CDKAL1: variants seen among roughly 807,000 people sequenced by gnomAD.
The protein encoded by CDKAL1 is CDKAL1 threonylcarbamoyladenosine tRNA methylthiotransferase, also known as threonylcarbamoyladenosine tRNA methylthiotransferase.
In CDKAL1, 32 loss-of-function variants were observed where a neutral mutation model predicts 68.2. The ratio of observed to expected loss-of-function variants is 0.47; its 90% CI spans 0.35 to 0.63. The LOEUF (loss-of-function observed/expected upper bound fraction) is 0.63. Among genes scored for constraint, CDKAL1 ranks in the 30% least tolerant of loss-of-function variants. CDKAL1 has a pLI of 0.00. For synonymous variants in CDKAL1, 234 were observed against 244.3 expected, an observed-to-expected ratio of 0.96 and a Z score of 0.39; for missense variants, 606 against 696.7, an observed-to-expected ratio of 0.87 and a Z score of 1.47.
chr6:20,984,076 G>A lies in CDKAL1; in HGVS notation c.910-16151G>A, dbSNP rs537989805. Among the ~76,000 whole-genome samples the A allele has an allele frequency of 5.3e-5, 8 of 152,216 alleles. No homozygotes were observed. In the South Asian group the frequency reaches 1.7e-3, roughly 32 times the overall value. ...AGATCGCGTGAAGTAAAACTACTAC[G>A]TTTTTTTCTGAAGTCTAAATGAGAC... On this transcript the variant is annotated intron_variant, in intron 10 of 15. Coordinates refer to ENST00000274695, the MANE Select transcript of CDKAL1 (RefSeq NM_017774.3).
At chr6:21,110,721 G>A (rs761173203) in intron 13 of CDKAL1, among the ~76,000 whole-genome samples, 1 of 152,200 alleles carries the variant, frequency 6.6e-6, no homozygotes, top group Non-Finnish European at 1.5e-5. Flanking sequence ...CACTCTGGGA[G>A]TCTGAAGCTG....
intron 9 of CDKAL1, among the ~76,000 whole-genome samples, chr6:20,945,975 A>G (rs1344384301): frequency 6.6e-6 from 1 of 152,174 alleles, no homozygotes; most frequent in African/African-American, 2.4e-5. Context: ...CAACGTATCT[A>G]GTGATTTGAG....
chr6:20,644,729 G>A (rs1424447441), intron 4 of CDKAL1, among the ~76,000 whole-genome samples: 2 of 152,166 alleles, frequency 1.3e-5, no homozygotes, highest in African/African-American at 4.8e-5. Flanking sequence ...AGCGGGAAAG[G>A]AATATTTGTT....
At chr6:21,137,839 A>G (rs538380470) in intron 13 of CDKAL1, among the ~76,000 whole-genome samples, 1 of 152,322 alleles carries the variant, frequency 6.6e-6, no homozygotes, top group Admixed American at 6.5e-5. Flanking sequence ...TTTTCCCAGG[A>G]GTGGAAAGCC....
intron 8 of CDKAL1, among the ~76,000 whole-genome samples, chr6:20,782,261 C>T (rs190069222): frequency 2.6e-5 from 4 of 152,072 alleles, no homozygotes; most frequent in Non-Finnish European, 5.9e-5. Context: ...CCAAAAAACC[C>T]CATGGAGTGG....
chr6:20,673,180 A>G (rs1769930560), intron 5 of CDKAL1, among the ~76,000 whole-genome samples: 1 of 152,152 alleles, frequency 6.6e-6, no homozygotes. Flanking sequence ...ATTCAGCTCT[A>G]CTTCTGTGTC....
At chr6:20,591,357 A>G (rs536274668) in intron 4 of CDKAL1, among the ~76,000 whole-genome samples, 156 of 152,170 alleles carry the variant, frequency 1.0e-3, no homozygotes, top group African/African-American at 3.7e-3. Context: ...CTTTAGTTTA[A>G]TTAGATCCCA....
At chr6:21,041,185 G>A (rs936011414) in intron 11 of CDKAL1, among the ~76,000 whole-genome samples, 1 of 152,148 alleles carries the variant, frequency 6.6e-6, no homozygotes, top group Non-Finnish European at 1.5e-5. Context: ...AGCTATTATT[G>A]ACTTCTATAT....
intron 8 of CDKAL1, among the ~76,000 whole-genome samples, chr6:20,828,384 G>A (rs1319988719): frequency 6.6e-6 from 1 of 151,688 alleles, no homozygotes; most frequent in African/African-American, 2.4e-5. Context: ...ATGCACCACC[G>A]TGACTGGCTA....
At chr6:20,993,199 G>A (rs538462473) in intron 10 of CDKAL1, among the ~76,000 whole-genome samples, 6 of 152,200 alleles carry the variant, frequency 3.9e-5, no homozygotes, top group South Asian at 2.1e-4. Context: ...TTACAATCCC[G>A]TGAATATACT....
At chr6:20,870,791 C>T (rs1052888627) in intron 9 of CDKAL1, among the ~76,000 whole-genome samples, 4 of 152,146 alleles carry the variant, frequency 2.6e-5, no homozygotes, top group Admixed American at 1.3e-4. Context: ...ATTGTTTCAA[C>T]ATGTAAATAA....
chr6:20,737,339 A>G (rs1773241757), intron 5 of CDKAL1, among the ~76,000 whole-genome samples: 1 of 152,242 alleles, frequency 6.6e-6, no homozygotes, highest in South Asian at 2.1e-4. Flanking sequence ...TATATTTCAA[A>G]TATTATAAAC....
At chr6:20,538,100 C>T (rs1763249204) in intron 2 of CDKAL1, among the ~76,000 whole-genome samples, 1 of 152,200 alleles carries the variant, frequency 6.6e-6, no homozygotes, top group Admixed American at 6.5e-5. Context: ...GGTTGCCCTC[C>T]AGAAGGGGTG....
intron 4 of CDKAL1, among the ~76,000 whole-genome samples, chr6:20,594,662 G>T (rs1246643060): frequency 6.6e-6 from 1 of 152,110 alleles, no homozygotes; most frequent in African/African-American, 2.4e-5. Context: ...TTTAGTTGGG[G>T]CATTTAGCCC....
At chr6:21,037,100 G>C (rs2150888385) in intron 11 of CDKAL1, among the ~76,000 whole-genome samples, 1 of 152,148 alleles carries the variant, frequency 6.6e-6, no homozygotes, top group South Asian at 2.1e-4. Context: ...GTTTTAATGG[G>C]GGGAAAAATC....
rs141896288 is a variant in CDKAL1, at chr6:20,767,191, A to C, written c.517+8548A>C. On this transcript the variant is annotated intron_variant, in intron 7 of 15. Transcript: ENST00000274695. ...TTTTGGTTAGTAAAATATATTGAGAATAGATGAGACTGTAAAGTTAGAGAA... is the reference window on the plus strand; with the variant it reads ...TTTTGGTTAGTAAAATATATTGAGACTAGATGAGACTGTAAAGTTAGAGAA... Among the ~76,000 whole-genome samples, 277 of 152,272 alleles carry C rather than the reference A, an allele frequency of 1.8e-3. 1 individual carries two copies. Among genetic ancestry groups the C allele is most frequent in the African/African-American group, 6.3e-3 (261 of 41,572 alleles).
At chr6:20,794,013 A>G (rs1378311777) in intron 8 of CDKAL1, among the ~76,000 whole-genome samples, 1 of 151,654 alleles carries the variant, frequency 6.6e-6, no homozygotes, top group Non-Finnish European at 1.5e-5. Flanking sequence ...ATACATATAT[A>G]TCTTAAAGGT....
chr6:20,704,217 G>A (rs908942171), intron 5 of CDKAL1, among the ~76,000 whole-genome samples: 4 of 152,092 alleles, frequency 2.6e-5, no homozygotes, highest in Non-Finnish European at 5.9e-5. Flanking sequence ...CCTGGGGATC[G>A]ATAATAGCAA....
intron 10 of CDKAL1, among the ~76,000 whole-genome samples, chr6:20,967,071 C>T (rs1765357969): frequency 6.6e-6 from 1 of 152,166 alleles, no homozygotes; most frequent in Non-Finnish European, 1.5e-5. Context: ...GGCTTATAGA[C>T]ATATCACTCC....
Sources: allele counts gnomAD v4.1 joint callset (sites outside exome capture counted in the v4.1 genomes callset), GRCh38; gene constraint gnomAD v4.1.1; transcripts MANE v1.5; gene names NCBI Gene and HGNC (gene_info 2026-07-23, HGNC 2026-07-21).